The following KSR1 variants were observed in gnomAD, a reference collection of about 807,000 sequenced individuals.
The protein encoded by KSR1 is kinase suppressor of ras 1.
KSR1 carries 35 observed loss-of-function variants against 92.9 expected under a neutral mutation model. That is an observed-to-expected ratio of 0.38 (90% CI 0.29 to 0.50). KSR1 has a LOEUF of 0.50. KSR1 is among the 20% of genes least tolerant of loss of function. The pLI is 0.94. For missense variants in KSR1, 972 were observed against 1,158.5 expected, an observed-to-expected ratio of 0.84 and a Z score of 2.34; for synonymous variants, 467 against 472.6, an observed-to-expected ratio of 0.99 and a Z score of 0.15.
At chr17:27,475,618 G>A (rs993401399) in intron 1 of KSR1, among the ~76,000 whole-genome samples, 25 of 152,296 alleles carry the variant, frequency 1.6e-4, no homozygotes, top group Non-Finnish European at 2.4e-4. Context: ...TCTATGACAC[G>A]GGGACAGCGA....
chr17:27,582,934 C>A lies in KSR1; in HGVS notation c.809C>A (p.Thr270Asn). The change falls in exon 4 of 21, where the codon ACC becomes AAC. Residue 270 changes from threonine (T) to asparagine (N), a missense_variant. Transcript: ENST00000644974. ...LTPRALHSFITPPTTPQLRRH... is the reference protein window; with the variant it reads ...LTPRALHSFINPPTTPQLRRH... The stretch of plus-strand genomic sequence containing the variant: ...CCCCGTGCCCTGCACAGCTTCATCA[C>A]CCCGCCCACCACACCCCAGCTGCGA... 1 of 1,611,250 alleles carries A rather than the reference C, an allele frequency of 6.2e-7. No homozygotes were observed. The highest frequency in any genetic ancestry group is 1.1e-5 in the South Asian group (1 of 90,842).
intron 1 of KSR1, among the ~76,000 whole-genome samples, chr17:27,468,329 G>A (rs1010252533): frequency 2.0e-5 from 3 of 151,444 alleles, no homozygotes; most frequent in South Asian, 2.1e-4. Context: ...TCTGCCTCCC[G>A]GGCTCAAACA....
chr17:27,519,816 G>C (rs2069948297), intron 1 of KSR1, among the ~76,000 whole-genome samples: 2 of 152,360 alleles, frequency 1.3e-5, no homozygotes, highest in South Asian at 4.1e-4. Flanking sequence ...CCTGGTCCAT[G>C]GCACAGGCTT....
intron 1 of KSR1, among the ~76,000 whole-genome samples, chr17:27,479,482 C>T (rs879451770): frequency 3.3e-5 from 5 of 152,172 alleles, no homozygotes; most frequent in Non-Finnish European, 7.3e-5. Flanking sequence ...CCTTTTGTTC[C>T]TTCTGAGGCG....
chr17:27,591,004 G>A, intron 7 of KSR1, 110 bp downstream of exon 7: 1 of 919,906 alleles, frequency 1.1e-6, no homozygotes, highest in Non-Finnish European at 1.7e-6. Flanking sequence ...ACCAGGGAGT[G>A]ATCAGGTCTC....
rs143600056 is a variant in KSR1 at position 27,534,763 on chromosome 17, T to G, written c.232-15805T>G. On this transcript the variant is annotated intron_variant, in intron 1 of 20. Coordinates refer to ENST00000644974, the MANE Select transcript of KSR1 (RefSeq NM_001394583.1). ...GGCCTAGGGGGATAACTGCGTTGTC[T>G]TTAGCCATTGCTTGTTAGAGAAGGT... 1.5e-3 allele frequency among the ~76,000 whole-genome samples: 224 copies of G among 152,334 alleles called. 1 individual carries two copies. Among genetic ancestry groups the G allele is most frequent in the African/African-American group, 4.6e-3 (192 of 41,574 alleles).
At chr17:27,585,909 A>C (rs2072949934) in intron 5 of KSR1, 2 of 555,140 alleles carry the variant, frequency 3.6e-6, no homozygotes, top group South Asian at 2.1e-5. Context: ...ATCTCAGCCC[A>C]CAGGCAGCCC....
chr17:27,527,316 A>G (rs1174010691), intron 1 of KSR1: 2 of 167,980 alleles, frequency 1.2e-5, no homozygotes, highest in Admixed American at 1.2e-4. Flanking sequence ...CAAGAGGTCA[A>G]GGCTACAGTG....
rs2072587895 is a variant in KSR1 at position 27,577,989 on chromosome 17, C to T, written c.520+350C>T. ...CAGCCCCCAGCCCTCTCCCCGTCTT[C>T]TCCTGTCCCCATTGCTGGCTGGGTT... On this transcript the variant is annotated intron_variant, in intron 3 of 20. Coordinates refer to ENST00000644974, the MANE Select transcript of KSR1 (RefSeq NM_001394583.1). This position sits in a 1 kb window ranked among gnomAD's most constrained non-coding sequence, Gnocchi z 4.5. 2.5e-6 allele frequency: 1 copy of T among 399,922 alleles called. No homozygotes were observed. Among genetic ancestry groups the T allele is most frequent in the Non-Finnish European group, 4.8e-6 (1 of 210,474 alleles). 24.8% of individuals were successfully genotyped at this position (399,922 alleles called of 1,614,324 possible). A position where few individuals can be genotyped will look rare whatever the true frequency, so the allele number is the denominator to read the frequency against.
At chr17:27,494,897 G>C (rs1009046387) in intron 1 of KSR1, among the ~76,000 whole-genome samples, 1 of 152,188 alleles carries the variant, frequency 6.6e-6, no homozygotes, top group Non-Finnish European at 1.5e-5. Flanking sequence ...CCTGGGAGGC[G>C]GCCCTGTCAG....
At position 27,577,955 on chromosome 17, in the gene KSR1, C is replaced by T; in HGVS notation, c.520+316C>T. Reference sequence around the variant, plus strand: ...GGCTCTGTGTACCCTCTGCCAGCTTCCCACATTCCAGCCCCCAGCCCTCTC... The same window carrying T: ...GGCTCTGTGTACCCTCTGCCAGCTTTCCACATTCCAGCCCCCAGCCCTCTC... On this transcript the variant is annotated intron_variant, in intron 3 of 20. Transcript: ENST00000644974. This position sits in a 1 kb window ranked among gnomAD's most constrained non-coding sequence, Gnocchi z 4.5. The T allele has an allele frequency of 2.2e-6, 1 of 463,422 alleles. No homozygotes were observed. The highest frequency in any genetic ancestry group is 2.0e-5 in the South Asian group (1 of 49,192). 28.7% of individuals were successfully genotyped at this position (463,422 alleles called of 1,614,324 possible).
rs752463654 is a variant in KSR1, at chr17:27,582,632, G to A, written c.521-14G>A. ...CAGCCCTGACCATCTGTGACTCCACGTCTTGGTCCACAGGAGGGGAGCACA... is the reference window on the plus strand; with the variant it reads ...CAGCCCTGACCATCTGTGACTCCACATCTTGGTCCACAGGAGGGGAGCACA... On this transcript the variant is annotated splice_polypyrimidine_tract_variant and intron_variant, in intron 3 of 20. Transcript: ENST00000644974. 10 of 1,594,648 alleles carry A rather than the reference G, an allele frequency of 6.3e-6. No homozygotes were observed. The African/African-American group carries it at 6.7e-5, about 11-fold the overall frequency.
chr17:27,624,527 G>C lies in KSR1; in HGVS notation c.*1135G>C, dbSNP rs899364450. Reference sequence around the variant, plus strand: ...TGCAGAGCCTTCCTTAGCACCATTAGGCCTTCTACTTGTGTCCATTTGAAG... The same window carrying C: ...TGCAGAGCCTTCCTTAGCACCATTACGCCTTCTACTTGTGTCCATTTGAAG... On this transcript the variant is annotated 3_prime_UTR_variant, in exon 21 of 21. Transcript: ENST00000644974. 2.0e-5 allele frequency: 3 copies of C among 152,136 alleles called. No homozygotes were observed. Among genetic ancestry groups the C allele is most frequent in the African/African-American group, 7.2e-5 (3 of 41,410 alleles). The allele number at this position is 152,136 out of a possible 1,614,324, so 9.4% of individuals were successfully genotyped here.
intron 10 of KSR1, 89 bp from the exon 11 acceptor site, chr17:27,601,271 C>T (rs1485449537): frequency 1.7e-6 from 2 of 1,170,396 alleles, no homozygotes; most frequent in African/African-American, 3.0e-5. Flanking sequence ...TAACAAGTCC[C>T]TGCCTCCCAA....
intron 9 of KSR1, among the ~76,000 whole-genome samples, chr17:27,594,483 TC>T (rs983436609): frequency 4.6e-5 from 7 of 151,990 alleles, no homozygotes; most frequent in African/African-American, 1.7e-4. Context: ...ACACCACCCC[TC>T]AGCCCTCCTC....
intron 1 of KSR1, among the ~76,000 whole-genome samples, chr17:27,516,583 AAT>A (rs894085186): frequency 4.0e-5 from 6 of 151,840 alleles, no homozygotes; most frequent in African/African-American, 1.5e-4. Context: ...TTACAAGAGT[AAT>A]ATATGTTCCT....
chr17:27,576,623 T>C (rs1180958696), intron 2 of KSR1, among the ~76,000 whole-genome samples: 1 of 152,146 alleles, frequency 6.6e-6, no homozygotes, highest in Non-Finnish European at 1.5e-5. Flanking sequence ...GGAGACAGTG[T>C]GGAGACGCTG....
chr17:27,503,293 A>C (rs532912187), intron 1 of KSR1, among the ~76,000 whole-genome samples: 1 of 152,356 alleles, frequency 6.6e-6, no homozygotes, highest in African/African-American at 2.4e-5. Flanking sequence ...GGAGTTTGCC[A>C]CCAGCATCTC....
chr17:27,514,922 T>G (rs538575458), intron 1 of KSR1, among the ~76,000 whole-genome samples: 9 of 152,350 alleles, frequency 5.9e-5, no homozygotes, highest in Admixed American at 2.0e-4. Flanking sequence ...ACTAACTTTC[T>G]GGAAGTACCA....
Sources: allele counts gnomAD v4.1 joint callset (sites outside exome capture counted in the v4.1 genomes callset), GRCh38; gene constraint gnomAD v4.1.1; non-coding constraint Gnocchi (gnomAD v3.1); transcripts MANE v1.5; gene names NCBI Gene and HGNC (gene_info 2026-07-23, HGNC 2026-07-21).